The following PAPPA variants were observed in gnomAD, a reference collection of about 807,000 sequenced individuals.
PAPPA encodes pappalysin-1.
A neutral mutation model predicts 164.0 loss-of-function variants in PAPPA; 60 were observed. The observed-to-expected ratio is 0.37, with a 90% CI of 0.30 to 0.45. The LOEUF is 0.45. Among genes scored for constraint, PAPPA ranks in the 20% least tolerant of loss-of-function variants. The pLI, the probability that PAPPA is intolerant of heterozygous loss-of-function variation, is 1.00. For missense variants in PAPPA, 1,782 were observed against 2,087.3 expected (o/e 0.85, Z 2.85); for synonymous variants, 875 against 814.1 (o/e 1.07, Z -1.27).
intron 13 of PAPPA, among the ~76,000 whole-genome samples, chr9:116,336,258 G>A (rs1303501587): frequency 3.9e-5 from 6 of 151,998 alleles, no homozygotes; most frequent in Non-Finnish European, 7.4e-5. Flanking sequence ...AAGAGAAGAG[G>A]GGGACACTAG....
At chr9:116,220,637 C>T (rs1401990814) in intron 5 of PAPPA, among the ~76,000 whole-genome samples, 1 of 151,572 alleles carries the variant, frequency 6.6e-6, no homozygotes, top group African/African-American at 2.4e-5. Context: ...TCCTGTAATT[C>T]CAGCACTTTG....
chr9:116,214,742 G>A (rs905308699), intron 4 of PAPPA, among the ~76,000 whole-genome samples: 1 of 152,146 alleles, frequency 6.6e-6, no homozygotes, highest in Non-Finnish European at 1.5e-5. Context: ...AGTTCCTGGA[G>A]GAGGACACTC....
chr9:116,369,077 C>G (rs1846538843), intron 19 of PAPPA, among the ~76,000 whole-genome samples: 1 of 152,044 alleles, frequency 6.6e-6, no homozygotes, highest in South Asian at 2.1e-4. Flanking sequence ...TCTCTCCTCC[C>G]TCTTCTGATA....
intron 21 of PAPPA, among the ~76,000 whole-genome samples, chr9:116,389,130 T>C (rs1270389841): frequency 1.1e-5 from 1 of 88,530 alleles, no homozygotes; most frequent in African/African-American, 4.2e-5. Context: ...AGAATAATCC[T>C]TTTTTTTTTT....
At chr9:116,227,092 A>G (rs1416990699) in intron 5 of PAPPA, among the ~76,000 whole-genome samples, 1 of 152,230 alleles carries the variant, frequency 6.6e-6, no homozygotes, top group East Asian at 1.9e-4. Context: ...TTTTCTCATA[A>G]CTACATTGCA....
At chr9:116,318,445 G>A (rs1470402462) in intron 10 of PAPPA, 2 of 151,932 alleles carry the variant, frequency 1.3e-5, no homozygotes, top group Non-Finnish European at 2.9e-5. Context: ...GACAGAATGA[G>A]AGAGACATAG....
At position 116,227,515 on chromosome 9, in the gene PAPPA, C is replaced by A; in HGVS notation, c.2196C>A (p.Cys732Ter). The A allele has an allele frequency of 6.2e-7, 1 of 1,614,092 alleles. No homozygotes were observed. Among genetic ancestry groups the A allele is most frequent in the Non-Finnish European group, 8.5e-7 (1 of 1,179,984 alleles). ...YASNASSPMP[C>*]SPSGHWSPRE... The stretch of plus-strand genomic sequence containing the variant: ...CCAACGCTTCCTCCCCAATGCCCTG[C>A]AGCCCATCAGGACACTGGAGCCCTC... Residue 732 changes from cysteine to a stop codon, truncating the protein, a stop_gained, in exon 6 of 22, where the codon TGC (cysteine) becomes TGA (stop). Transcript: ENST00000328252. LOFTEE classifies it high-confidence loss of function.
intron 6 of PAPPA, among the ~76,000 whole-genome samples, chr9:116,230,746 C>G (rs1379531133): frequency 2.0e-5 from 3 of 152,092 alleles, no homozygotes; most frequent in African/African-American, 4.8e-5. Flanking sequence ...CACTCCTACC[C>G]CTTGAGCAAA....
chr9:116,256,055 A>C (rs1392378065), intron 7 of PAPPA, among the ~76,000 whole-genome samples: 2 of 151,860 alleles, frequency 1.3e-5, no homozygotes, highest in African/African-American at 4.8e-5. Context: ...AGGGATACCT[A>C]GAAATTAACG....
At chr9:116,322,271 G>A (rs2118929559) in intron 10 of PAPPA, among the ~76,000 whole-genome samples, 1 of 152,174 alleles carries the variant, frequency 6.6e-6, no homozygotes, top group East Asian at 1.9e-4. Flanking sequence ...TTAGCTGGGT[G>A]TGGTGGCAGG....
chr9:116,328,115 C>T (rs1845943501), intron 10 of PAPPA, among the ~76,000 whole-genome samples: 1 of 152,178 alleles, frequency 6.6e-6, no homozygotes, highest in Non-Finnish European at 1.5e-5. Context: ...GCTATGAATG[C>T]TTCAGATGCA....
intron 7 of PAPPA, 91 bp downstream of exon 7, chr9:116,235,728 T>A (rs1022395898): frequency 6.5e-6 from 8 of 1,232,038 alleles, no homozygotes; most frequent in Non-Finnish European, 9.4e-6. Flanking sequence ...AGGGGGAAGG[T>A]TCATCACAGT....
intron 13 of PAPPA, 52 bp downstream of exon 13, chr9:116,335,126 C>A: frequency 2.1e-6 from 3 of 1,451,718 alleles, no homozygotes; most frequent in Non-Finnish European, 1.9e-6. Context: ...CGAGTGGAGA[C>A]AGTGTGATTT....
intron 4 of PAPPA, among the ~76,000 whole-genome samples, chr9:116,216,146 C>T (rs996671416): frequency 1.3e-5 from 2 of 152,006 alleles, no homozygotes; most frequent in Non-Finnish European, 1.5e-5. Context: ...TTTTTAAAAA[C>T]ATCAAAAAGA....
At chr9:116,313,082 CAAAAAAA>C (rs59596284) in intron 10 of PAPPA, among the ~76,000 whole-genome samples, 1 of 68,468 alleles carries the variant, frequency 1.5e-5, no homozygotes, top group Admixed American at 1.6e-4. Context: ...GACTCCATCT[CAAAAAAA>C]AAAAAAAAAA....
At chr9:116,169,955 T>C (rs1843757789) in intron 1 of PAPPA, among the ~76,000 whole-genome samples, 1 of 152,236 alleles carries the variant, frequency 6.6e-6, no homozygotes, top group East Asian at 1.9e-4. Context: ...TATTTCCTTA[T>C]GAATACGAGT....
intron 10 of PAPPA, among the ~76,000 whole-genome samples, chr9:116,317,235 G>A (rs753157305): frequency 2.0e-4 from 31 of 152,138 alleles, no homozygotes; most frequent in Non-Finnish European, 2.1e-4. Flanking sequence ...AGGCCGATGC[G>A]GTCAAGACTG....
chr9:116,212,717 G>T (rs1844323722), intron 4 of PAPPA, among the ~76,000 whole-genome samples: 1 of 152,144 alleles, frequency 6.6e-6, no homozygotes, highest in African/African-American at 2.4e-5. Context: ...TGTTTGTTAG[G>T]AAAGGAAGAA....
At chr9:116,368,480 G>A (rs971072170) in intron 19 of PAPPA, among the ~76,000 whole-genome samples, 16 of 152,158 alleles carry the variant, frequency 1.1e-4, no homozygotes, top group African/African-American at 2.7e-4. Flanking sequence ...GTGCCAGGCC[G>A]GTGTGCCCCC....
Sources: allele counts gnomAD v4.1 joint callset (sites outside exome capture counted in the v4.1 genomes callset), GRCh38; gene constraint gnomAD v4.1.1; transcripts MANE v1.5; gene names NCBI Gene and HGNC (gene_info 2026-07-23, HGNC 2026-07-21).